Variants in EBF4 observed in about 807,000 individuals in gnomAD.
EBF4 encodes the protein transcription factor COE4.
A neutral mutation model predicts 67.1 loss-of-function variants in EBF4; 34 were observed. The ratio of observed to expected loss-of-function variants is 0.51; its 90% CI spans 0.39 to 0.67. The LOEUF is 0.67. Ranked by LOEUF, EBF4 falls within the 30% of genes least tolerant of loss-of-function variation. EBF4 has a pLI of 0.00. For missense variants in EBF4, 837 were observed against 873.3 expected (o/e 0.96, Z 0.52); for synonymous variants, 387 against 377.7 (o/e 1.02, Z -0.29).
At chr20:2,719,685 G>A (rs756434016) in intron 6 of EBF4, among the ~76,000 whole-genome samples, 7 of 152,116 alleles carry the variant, frequency 4.6e-5, no homozygotes, top group Non-Finnish European at 1.0e-4. Context: ...GATTAAAGGC[G>A]TGAGTCACCA....
At position 2,745,183 on chromosome 20, in the gene EBF4, A is replaced by G. The variant is rs938875392; in HGVS notation, c.558-3366A>G. On this transcript the variant is annotated intron_variant, in intron 6 of 16. Coordinates refer to ENST00000609451, the Ensembl canonical transcript of EBF4. The surrounding 1 kb of genome is among the most constrained non-coding windows in gnomAD (Gnocchi z 5.2). Reference sequence around the variant, plus strand: ...GGTCTGAGGGGAGGCCTGAGATTCTACACTTGTAGCAAGGTCTCAGGTGAC... The same window carrying G: ...GGTCTGAGGGGAGGCCTGAGATTCTGCACTTGTAGCAAGGTCTCAGGTGAC... Among the ~76,000 whole-genome samples, 2 of 152,204 alleles carry G rather than the reference A, an allele frequency of 1.3e-5. No individual in the cohort carries two copies. Among genetic ancestry groups the G allele is most frequent in the Non-Finnish European group, 2.9e-5 (2 of 68,036 alleles).
In EBF4 at chr20:2,743,789, T is replaced by C. The variant is rs556634085; in HGVS notation, c.558-4760T>C. Among the ~76,000 whole-genome samples the C allele has an allele frequency of 3.3e-4, 51 of 152,314 alleles. 2 individuals carry two copies. In the South Asian group the frequency reaches 0.011, roughly 32 times the overall value. ...CTGACAAATATCATTTGTTTCCAAG[T>C]CATATGAATTTGGGGGCGGGGAGTA... is the stretch of plus-strand genomic sequence containing the variant. On this transcript the variant is annotated intron_variant, in intron 6 of 16. Coordinates refer to ENST00000609451, the Ensembl canonical transcript of EBF4.
Position 2,693,786 on chromosome 20 carries a change from AGCGCTCGGACCGGACCCGGT to A in EBF4, c.137+13_137+32del, listed in dbSNP as rs952642423. The A allele has an allele frequency of 7.6e-7, 1 of 1,313,168 alleles. No homozygotes were observed. Among genetic ancestry groups the A allele is most frequent in the African/African-American group, 1.5e-5 (1 of 64,742 alleles). 81.3% of individuals were successfully genotyped at this position (1,313,168 alleles called of 1,614,324 possible). ...ACGCCAGCACCGCGGCGCAGAGGTAAGCGCTCGGACCGGACCCGGTGCGCTCGGGTTGGACGGCTGCGCGC... is the reference window on the plus strand; with the variant it reads ...ACGCCAGCACCGCGGCGCAGAGGTAAGCGCTCGGGTTGGACGGCTGCGCGC... On this transcript the variant is annotated splice_donor_5th_base_variant and intron_variant, in intron 1 of 16. Coordinates refer to ENST00000609451, the Ensembl canonical transcript of EBF4. This position sits in a 1 kb window ranked among gnomAD's most constrained non-coding sequence, Gnocchi z 4.6.
At chr20:2,709,397 G>T (rs964347466) in intron 5 of EBF4, among the ~76,000 whole-genome samples, 177 bp from the exon 6 acceptor site, 1 of 150,662 alleles carries the variant, frequency 6.6e-6, no homozygotes, top group African/African-American at 2.5e-5. Flanking sequence ...CCCTGCGGAG[G>T]AGCCCACAGC....
At chr20:2,757,443 G>A (rs1424616666) in intron 15 of EBF4, among the ~76,000 whole-genome samples, 1 of 139,550 alleles carries the variant, frequency 7.2e-6, no homozygotes, top group Non-Finnish European at 1.6e-5. Context: ...AACAATAACA[G>A]ACTTTTGTGC....
rs1477728979 is a variant in EBF4, at chr20:2,748,631, G to A, written c.639+1G>A. The A allele has an allele frequency of 6.4e-7, 1 of 1,551,564 alleles. No homozygotes were observed. Among genetic ancestry groups the A allele is most frequent in the Non-Finnish European group, 8.7e-7 (1 of 1,146,844 alleles). On this transcript the variant is annotated splice_donor_variant, in intron 7 of 16. Transcript: ENST00000609451. LOFTEE classifies it high-confidence loss of function. The stretch of plus-strand genomic sequence containing the variant: ...TCCCAGAGACATGCGCCGCTTCCAG[G>A]TGGGTCTGGAGAGAGGGTTTCCCCT...
At chr20:2,748,515 C>G in intron 6 of EBF4, 34 bp from the exon 7 acceptor site, 1 of 1,544,808 alleles carries the variant, frequency 6.5e-7, no homozygotes, top group Non-Finnish European at 8.8e-7. Flanking sequence ...CCAGAACCCC[C>G]AGACCCTTGA....
intron 1 of EBF4, among the ~76,000 whole-genome samples, chr20:2,698,596 G>A (rs144338760): frequency 2.0e-5 from 3 of 152,122 alleles, no homozygotes; most frequent in Non-Finnish European, 4.4e-5. Context: ...GACTGGTGGA[G>A]CCCTGTCAGG....
intron 1 of EBF4, among the ~76,000 whole-genome samples, chr20:2,701,705 CT>C (rs2087377685): frequency 1.3e-5 from 2 of 152,244 alleles, no homozygotes; most frequent in South Asian, 4.1e-4. Flanking sequence ...CCTTTTCTCT[CT>C]ATAGCCTCCC....
intron 5 of EBF4, among the ~76,000 whole-genome samples, chr20:2,708,774 G>A (rs1428896710): frequency 6.6e-6 from 1 of 152,110 alleles, no homozygotes. Flanking sequence ...TCTGTGGTTG[G>A]AACTGTGGCT....
intron 14 of EBF4, among the ~76,000 whole-genome samples, chr20:2,753,751 C>T (rs1245919847): frequency 6.6e-6 from 1 of 152,226 alleles, no homozygotes; most frequent in African/African-American, 2.4e-5. Flanking sequence ...TGCCTGCTTT[C>T]TGGCTGAAGG....
At chr20:2,724,456 A>C (rs1301220652) in intron 6 of EBF4, among the ~76,000 whole-genome samples, 1 of 152,158 alleles carries the variant, frequency 6.6e-6, no homozygotes, top group African/African-American at 2.4e-5. Flanking sequence ...ATCTTTTAGA[A>C]GTTCCTTGAA....
Position 2,755,624 on chromosome 20 carries a change from GA to G in EBF4, c.1541-2del. On this transcript the variant is annotated splice_acceptor_variant, in intron 14 of 16. Coordinates refer to ENST00000609451, the Ensembl canonical transcript of EBF4. LOFTEE classifies it high-confidence loss of function. This position sits in a 1 kb window ranked among gnomAD's most constrained non-coding sequence, Gnocchi z 4.7. ...GCCTGCCCCTCCCCGCCCCGCCCCG[GA>G]GTCATGCCCTCTAGCCCCCCGCTGG... 1 of 1,249,338 alleles carries G rather than the reference GA, an allele frequency of 8.0e-7. No individual in the cohort carries two copies. The highest frequency in any genetic ancestry group is 1.1e-6 in the Non-Finnish European group (1 of 903,358). 77.4% of individuals were successfully genotyped at this position (1,249,338 alleles called of 1,614,324 possible).
intron 1 of EBF4, among the ~76,000 whole-genome samples, chr20:2,704,686 C>G (rs7275043): frequency 0.26 from 39,238 of 152,140 alleles, 5,142 homozygotes; most frequent in East Asian, 0.36. Flanking sequence ...TTTGCTTCTC[C>G]AGTTTTTTTG....
intron 1 of EBF4, among the ~76,000 whole-genome samples, chr20:2,694,617 G>T (rs1306663815): frequency 2.6e-5 from 4 of 152,176 alleles, no homozygotes; most frequent in Non-Finnish European, 5.9e-5. Context: ...CAGTGGTTAG[G>T]ATTAGGGAGG....
chr20:2,716,522 T>G (rs965822504), intron 6 of EBF4, among the ~76,000 whole-genome samples: 1 of 137,502 alleles, frequency 7.3e-6, no homozygotes, highest in African/African-American at 2.9e-5. Flanking sequence ...AGAGTGAAAC[T>G]CCGTCTCAAA....
In EBF4 at chr20:2,696,707, C is replaced by T. The variant is rs978160760; in HGVS notation, c.137+2925C>T. Among the ~76,000 whole-genome samples, 1 of 152,164 alleles carries T rather than the reference C, an allele frequency of 6.6e-6. No individual in the cohort carries two copies. The highest frequency in any genetic ancestry group is 1.9e-4 in the East Asian group (1 of 5,190). ...AATCCCTCTGCCCTCAGCACCCGCA[C>T]ATCCCCTGGATTAAGTCTCACCAGC... On this transcript the variant is annotated intron_variant, in intron 1 of 16. Transcript: ENST00000609451. This position sits in a 1 kb window ranked among gnomAD's most constrained non-coding sequence, Gnocchi z 4.7.
At chr20:2,741,612 C>T (rs2087969567) in intron 6 of EBF4, among the ~76,000 whole-genome samples, 2 of 152,096 alleles carry the variant, frequency 1.3e-5, no homozygotes, top group South Asian at 2.1e-4. Context: ...GAATAAAAAG[C>T]GTTTATAGAC....
intron 6 of EBF4, among the ~76,000 whole-genome samples, chr20:2,717,468 G>C (rs1014222184): frequency 1.3e-5 from 2 of 152,194 alleles, no homozygotes; most frequent in African/African-American, 4.8e-5. Context: ...TTGAGAAAGT[G>C]GAGTTACAGG....
Sources: allele counts gnomAD v4.1 joint callset (sites outside exome capture counted in the v4.1 genomes callset), GRCh38; gene constraint gnomAD v4.1.1; non-coding constraint Gnocchi (gnomAD v3.1); transcripts MANE v1.5; gene names NCBI Gene and HGNC (gene_info 2026-07-23, HGNC 2026-07-21).